The following MYOM2 variants were observed in gnomAD, a reference collection of about 807,000 sequenced individuals.
The protein encoded by MYOM2 is myomesin-2.
MYOM2 carries 254 observed loss-of-function variants against 187.6 expected under a neutral mutation model. The ratio of observed to expected loss-of-function variants is 1.35; its 90% CI spans 1.22 to 1.50. The LOEUF is 1.50. MYOM2 is among the 40% of genes most tolerant of loss of function. The pLI is 0.00. For missense variants in MYOM2, 2,796 were observed against 1,924.0 expected (o/e 1.45, Z -8.48); for synonymous variants, 981 against 753.8 (o/e 1.30, Z -4.94).
chr8:2,086,275 G>C (rs1249006024), intron 14 of MYOM2, among the ~76,000 whole-genome samples: 1 of 143,426 alleles, frequency 7.0e-6, no homozygotes, highest in African/African-American at 2.5e-5. Context: ...CATGATCTCT[G>C]GCACCCCACT....
chr8:2,080,569 C>G (rs1412625724), intron 13 of MYOM2, among the ~76,000 whole-genome samples: 1 of 152,148 alleles, frequency 6.6e-6, no homozygotes, highest in Admixed American at 6.5e-5. Flanking sequence ...ACCTAGAACT[C>G]AGGAAGGACA....
chr8:2,100,158 TTCC>T (rs1796655024), intron 19 of MYOM2, among the ~76,000 whole-genome samples: 1 of 147,104 alleles, frequency 6.8e-6, no homozygotes, highest in Non-Finnish European at 1.5e-5. Flanking sequence ...CCTTCCTTCC[TTCC>T]TTCCTTCCTT....
chr8:2,093,131 C>T (rs1055262677), intron 16 of MYOM2, among the ~76,000 whole-genome samples: 2 of 152,112 alleles, frequency 1.3e-5, no homozygotes, highest in African/African-American at 4.8e-5. Context: ...TCAGAACCAC[C>T]CTTGTGGATA....
chr8:2,116,565 T>A (rs929618843), intron 27 of MYOM2, among the ~76,000 whole-genome samples: 8 of 152,164 alleles, frequency 5.3e-5, no homozygotes, highest in African/African-American at 1.9e-4. Context: ...CTTTGAAATG[T>A]AGAGAAGGCA....
Position 2,057,336 on chromosome 8 carries a change from C to A in MYOM2, c.264-12C>A. 1 of 1,587,870 alleles carries A rather than the reference C, an allele frequency of 6.3e-7. No homozygotes were observed. The highest frequency in any genetic ancestry group is 8.6e-7 in the Non-Finnish European group (1 of 1,167,422). On this transcript the variant is annotated splice_polypyrimidine_tract_variant and intron_variant, in intron 3 of 36. Coordinates refer to ENST00000262113, the MANE Select transcript of MYOM2 (RefSeq NM_003970.4). ...GACTCCTGCAACTGAGGCTGCTTCT[C>A]GGCTCCTGCAGGTACCAGTCCCTGG...
At chr8:2,144,482 C>T (rs139660747) in intron 36 of MYOM2, among the ~76,000 whole-genome samples, 182 bp from the exon 37 acceptor site, 30 of 152,282 alleles carry the variant, frequency 2.0e-4, no homozygotes, top group African/African-American at 6.3e-4. Context: ...GAACCTGTTC[C>T]CTGCTGTCCT....
intron 31 of MYOM2, among the ~76,000 whole-genome samples, chr8:2,126,940 G>A (rs1050407033): frequency 3.5e-5 from 5 of 144,466 alleles, no homozygotes; most frequent in Admixed American, 2.1e-4. Context: ...GAGGCTGGAG[G>A]AGCACTGGGG....
intron 36 of MYOM2, 77 bp downstream of exon 36, chr8:2,143,533 C>G: frequency 6.4e-7 from 1 of 1,564,932 alleles, no homozygotes; most frequent in Non-Finnish European, 8.8e-7. Flanking sequence ...TGGGGCGGAG[C>G]AGAGGGAACC....
chr8:2,095,938 CA>C (rs1796467094), intron 17 of MYOM2, among the ~76,000 whole-genome samples: 1 of 152,208 alleles, frequency 6.6e-6, no homozygotes, highest in African/African-American at 2.4e-5. Context: ...GAAGACAGAA[CA>C]TCTTCTGCTG....
chr8:2,143,323 C>CACTGCTGCTTACATG (rs1798343776), intron 35 of MYOM2, 78 bp from the exon 36 acceptor site: 2 of 1,507,596 alleles, frequency 1.3e-6, no homozygotes, highest in Non-Finnish European at 1.8e-6. Flanking sequence ...CCTTGGTACC[C>CACTGCTGCTTACATG]ACTGCTGCTT....
At chr8:2,112,357 G>A (rs985232122) in intron 25 of MYOM2, among the ~76,000 whole-genome samples, 3 of 130,138 alleles carry the variant, frequency 2.3e-5, no homozygotes, top group Non-Finnish European at 3.2e-5. Context: ...AGGGTAGAGG[G>A]TTATTGAAAT....
chr8:2,107,796 T>C (rs1397052126), intron 23 of MYOM2, among the ~76,000 whole-genome samples: 1 of 152,228 alleles, frequency 6.6e-6, no homozygotes, highest in African/African-American at 2.4e-5. Flanking sequence ...CACAGTTTTG[T>C]ACCTTCACGA....
intron 32 of MYOM2, among the ~76,000 whole-genome samples, chr8:2,139,115 C>T (rs1303082082): frequency 2.0e-5 from 3 of 151,432 alleles, no homozygotes; most frequent in Non-Finnish European, 4.4e-5. Context: ...CCACCAGAGA[C>T]CGGGACGCAG....
At position 2,115,952 on chromosome 8, in the gene MYOM2, G is replaced by A; in HGVS notation, c.3181-8G>A. 1 of 1,605,246 alleles carries A rather than the reference G, an allele frequency of 6.2e-7. No individual in the cohort carries two copies. Among genetic ancestry groups the A allele is most frequent in the Admixed American group, 1.7e-5 (1 of 57,444 alleles). On this transcript the variant is annotated splice_polypyrimidine_tract_variant and splice_region_variant and intron_variant, in intron 25 of 36. Transcript: ENST00000262113. ...TATAATTCTCCATTTCCCTTGTTTT[G>A]CTTGCAGATACACAGAATTAAATGT...
At chr8:2,076,013 G>T in intron 10 of MYOM2, 128 bp from the exon 11 acceptor site, 1 of 822,702 alleles carries the variant, frequency 1.2e-6, no homozygotes, top group South Asian at 2.4e-5. Flanking sequence ...CTAGTACTTT[G>T]AACATGAGAA....
rs371610303 is a variant in MYOM2, at chr8:2,143,481, G to T, written c.4080+25G>T. The T allele has an allele frequency of 3.1e-6, 5 of 1,614,078 alleles. No individual in the cohort carries two copies. The Admixed American group carries it at 6.7e-5, about 22-fold the overall frequency. ...GGTGAGGATTCTAAACTCGGCCGGGGTGGGGGTGTCAGCACGGTGCGATGG... is the reference window on the plus strand; with the variant it reads ...GGTGAGGATTCTAAACTCGGCCGGGTTGGGGGTGTCAGCACGGTGCGATGG... On this transcript the variant is annotated intron_variant, in intron 36 of 36. Transcript: ENST00000262113.
chr8:2,116,354 C>G, intron 27 of MYOM2, 79 bp downstream of exon 27: 8 of 1,389,436 alleles, frequency 5.8e-6, no homozygotes, highest in Non-Finnish European at 7.9e-6. Context: ...AGAAGCAGAT[C>G]TTGCATGATC....
intron 31 of MYOM2, among the ~76,000 whole-genome samples, chr8:2,128,668 T>C (rs1419181797): frequency 2.0e-5 from 3 of 152,206 alleles, no homozygotes; most frequent in Admixed American, 6.5e-5. Flanking sequence ...CTGACCCAAG[T>C]TTCATTTGTC....
chr8:2,101,220 G>A (rs1796699468), intron 20 of MYOM2, among the ~76,000 whole-genome samples, 166 bp downstream of exon 20: 1 of 152,164 alleles, frequency 6.6e-6, no homozygotes, highest in South Asian at 2.1e-4. Flanking sequence ...TGGCACCGTG[G>A]CAGGCACCTG....
Sources: allele counts gnomAD v4.1 joint callset (sites outside exome capture counted in the v4.1 genomes callset), GRCh38; gene constraint gnomAD v4.1.1; transcripts MANE v1.5; gene names NCBI Gene and HGNC (gene_info 2026-07-23, HGNC 2026-07-21).